The following PDE1C variants were observed in gnomAD, a reference collection of about 807,000 sequenced individuals.
The protein encoded by PDE1C is phosphodiesterase 1C, also known as dual specificity calcium/calmodulin-dependent 3',5'-cyclic nucleotide phosphodiesterase 1C.
In PDE1C, 62 loss-of-function variants were observed where a neutral mutation model predicts 93.1. The observed-to-expected ratio is 0.67, with a 90% CI of 0.54 to 0.82. The LOEUF (loss-of-function observed/expected upper bound fraction) is 0.82. PDE1C is among the 40% of genes least tolerant of loss of function. PDE1C has a pLI of 0.00. For missense variants in PDE1C, 742 were observed against 884.6 expected (o/e 0.84, Z 2.04); for synonymous variants, 325 against 310.1 (o/e 1.05, Z -0.50).
chr7:31,643,327 G>A, the PDE1C span: 8 of 1,613,918 alleles, frequency 5.0e-6, no homozygotes, highest in South Asian at 6.6e-5. Flanking sequence ...CACACCTTAT[G>A]CAACTGACCT....
At chr7:31,704,494 G>A in the PDE1C span, among the ~76,000 whole-genome samples, 3 of 152,214 alleles carry the variant, frequency 2.0e-5, no homozygotes, top group African/African-American at 7.2e-5. Flanking sequence ...GGAAGGAAAT[G>A]ACATTTGCTA....
chr7:31,688,317 C>A, the PDE1C span, among the ~76,000 whole-genome samples: 1 of 152,218 alleles, frequency 6.6e-6, no homozygotes, highest in African/African-American at 2.4e-5. Context: ...CAAACGTTGG[C>A]TTCTACCTTA....
chr7:32,329,754 G>A (rs1783476037), intron 1 of PDE1C, among the ~76,000 whole-genome samples: 1 of 152,028 alleles, frequency 6.6e-6, no homozygotes, highest in African/African-American at 2.4e-5. Context: ...TTTTAGTGTT[G>A]GTCAAAGGGC....
At chr7:31,697,100 T>C in the PDE1C span, 3 of 1,613,910 alleles carry the variant, frequency 1.9e-6, no homozygotes, top group Non-Finnish European at 2.5e-6. Flanking sequence ...GCCCTGCACA[T>C]GTCCCCCTTT....
At chr7:32,186,393 C>T (rs1374256870) in intron 2 of PDE1C, among the ~76,000 whole-genome samples, 36 of 152,136 alleles carry the variant, frequency 2.4e-4, no homozygotes, top group African/African-American at 8.0e-4. Flanking sequence ...TGAGCCACCG[C>T]GCCCGGCCCT....
chr7:32,065,839 T>C (rs1795337525), intron 1 of PDE1C, among the ~76,000 whole-genome samples: 2 of 152,314 alleles, frequency 1.3e-5, no homozygotes, highest in Middle Eastern at 6.8e-3. Context: ...AATAGGGTAT[T>C]AGTTAAGACT....
chr7:31,804,713 A>G (rs993005881), intron 16 of PDE1C, among the ~76,000 whole-genome samples: 3 of 151,862 alleles, frequency 2.0e-5, no homozygotes, highest in Admixed American at 6.6e-5. Flanking sequence ...GTGAATTGCC[A>G]ACATCTCCAT....
At chr7:31,702,168 A>G in the PDE1C span, among the ~76,000 whole-genome samples, 2 of 151,500 alleles carry the variant, frequency 1.3e-5, no homozygotes, top group African/African-American at 2.4e-5. Flanking sequence ...TCTGCCTTAG[A>G]ATTGTGATAT....
At chr7:32,084,972 A>T (rs1454355898) in intron 3 of PDE1C, among the ~76,000 whole-genome samples, 1 of 139,262 alleles carries the variant, frequency 7.2e-6, no homozygotes, top group East Asian at 2.1e-4. Flanking sequence ...CACATTCAAA[A>T]GCTAGCAGAA....
At chr7:31,688,855 G>A in the PDE1C span, among the ~76,000 whole-genome samples, 4 of 152,178 alleles carry the variant, frequency 2.6e-5, no homozygotes, top group Non-Finnish European at 4.4e-5. Context: ...AACCAGAAGA[G>A]TAATTCGATC....
At chr7:31,710,794 G>A in the PDE1C span, among the ~76,000 whole-genome samples, 1 of 152,216 alleles carries the variant, frequency 6.6e-6, no homozygotes, top group African/African-American at 2.4e-5. Context: ...AATATACTCT[G>A]CCAGTTTTCC....
At chr7:31,875,854 CAT>C (rs1796522576) in intron 5 of PDE1C, among the ~76,000 whole-genome samples, 1 of 98,756 alleles carries the variant, frequency 1.0e-5, no homozygotes, top group Middle Eastern at 6.6e-3. Context: ...AGTAAAATAA[CAT>C]AATGCAACAT....
chr7:31,985,383 A>T (rs1298348890), intron 2 of PDE1C, among the ~76,000 whole-genome samples: 1 of 151,036 alleles, frequency 6.6e-6, no homozygotes, highest in Non-Finnish European at 1.5e-5. Flanking sequence ...TTTATCTCCA[A>T]GAAAAAAGAG....
chr7:32,085,775 C>A (rs1797031576), intron 3 of PDE1C, among the ~76,000 whole-genome samples: 1 of 151,684 alleles, frequency 6.6e-6, no homozygotes, highest in Admixed American at 6.6e-5. Context: ...TCAATAGATG[C>A]AGAAAAGGCC....
At chr7:31,918,518 C>G (rs1023251703) in intron 2 of PDE1C, among the ~76,000 whole-genome samples, 2 of 152,188 alleles carry the variant, frequency 1.3e-5, no homozygotes, top group African/African-American at 4.8e-5. Context: ...GCTTGTTCCT[C>G]TGAAGACTAT....
chr7:31,641,477 G>GAA, the PDE1C span, among the ~76,000 whole-genome samples: 2 of 150,994 alleles, frequency 1.3e-5, no homozygotes, highest in African/African-American at 4.9e-5. Context: ...TTAAAGAAGA[G>GAA]AAAAAAAAAT....
the PDE1C span, chr7:31,651,205 G>A: frequency 5.6e-6 from 9 of 1,613,536 alleles, no homozygotes; most frequent in Non-Finnish European, 7.6e-6. Flanking sequence ...GTATTTAGAA[G>A]AAATTGAACA....
At chr7:31,735,907 C>T in the PDE1C span, among the ~76,000 whole-genome samples, 8 of 152,248 alleles carry the variant, frequency 5.3e-5, no homozygotes, top group East Asian at 1.9e-4. Context: ...TTATATAAAG[C>T]GGCATAGTAT....
chr7:31,940,912 A>G (rs1304268350), intron 2 of PDE1C, among the ~76,000 whole-genome samples: 1 of 151,800 alleles, frequency 6.6e-6, no homozygotes, highest in Non-Finnish European at 1.5e-5. Context: ...TGCTCTGCCC[A>G]CCTCAGCCCT....
Sources: gnomAD v4.1 joint callset for allele counts (sites outside exome capture counted in the v4.1 genomes callset) on GRCh38, gnomAD v4.1.1 for gene constraint, MANE v1.5 for transcripts, NCBI Gene and HGNC (gene_info 2026-07-23, HGNC 2026-07-21) for gene names.